Variants in RNF38 observed in about 807,000 individuals in gnomAD.
RNF38 encodes E3 ubiquitin-protein ligase RNF38.
RNF38 carries 15 observed loss-of-function variants against 67.2 expected under a neutral mutation model. The observed-to-expected ratio is 0.22, with a 90% CI of 0.15 to 0.34. RNF38 has a LOEUF of 0.34. Ranked by LOEUF, RNF38 falls within the 10% of genes least tolerant of loss-of-function variation. The pLI, the probability that RNF38 is intolerant of heterozygous loss-of-function variation, is 1.00. For missense variants in RNF38, 524 were observed against 639.9 expected (o/e 0.82, Z 1.95); for synonymous variants, 220 against 218.8 (o/e 1.01, Z -0.05).
intron 2 of RNF38, among the ~76,000 whole-genome samples, chr9:36,414,555 A>C (rs1197898499): frequency 6.6e-6 from 1 of 151,964 alleles, no homozygotes; most frequent in Non-Finnish European, 1.5e-5. Flanking sequence ...GCGTGGTGGC[A>C]CATGCCTGTA....
At position 36,474,117 on chromosome 9, in the gene RNF38, T is replaced by A. The variant is rs1384641153; in HGVS notation, n.241+13191A>T. On this transcript the variant is annotated intron_variant and non_coding_transcript_variant, in intron 1 of 3. Transcript: ENST00000488058. ...TCACGAGGTCAGGAGATTGAGACCA[T>A]CCTGGCTAACACGGTGAAACCCCAT... Among the ~76,000 whole-genome samples the A allele has an allele frequency of 3.3e-5, 5 of 149,416 alleles. No homozygotes were observed. The Admixed American group carries it at 3.4e-4, about 10-fold the overall frequency.
intron 1 of RNF38, among the ~76,000 whole-genome samples, chr9:36,399,486 T>C (rs920230955): frequency 7.4e-5 from 6 of 81,062 alleles, no homozygotes; most frequent in Non-Finnish European, 1.6e-4. Context: ...ATATTATAAA[T>C]ATATATAATA....
intron 1 of RNF38, among the ~76,000 whole-genome samples, chr9:36,485,602 C>G (rs577063901): frequency 6.6e-6 from 1 of 152,092 alleles, no homozygotes; most frequent in Non-Finnish European, 1.5e-5. Flanking sequence ...ATACATTTGC[C>G]AAATATGTGT....
At chr9:36,392,945 G>A (rs1408498333) in intron 1 of RNF38, among the ~76,000 whole-genome samples, 2 of 152,110 alleles carry the variant, frequency 1.3e-5, no homozygotes, top group Non-Finnish European at 2.9e-5. Flanking sequence ...TAAGAGTTAA[G>A]ATTTCATAGA....
At chr9:36,360,792 C>A (rs1277226960) in intron 4 of RNF38, among the ~76,000 whole-genome samples, 2 of 152,042 alleles carry the variant, frequency 1.3e-5, no homozygotes, top group African/African-American at 4.8e-5. Context: ...ACAAATACCA[C>A]CCCCCTACCC....
intron 2 of RNF38, among the ~76,000 whole-genome samples, chr9:36,409,236 TGGAAGGAAAGAAGGAAGGAAGGAA>T (rs1477594645): frequency 1.0e-5 from 1 of 95,832 alleles, no homozygotes; most frequent in Non-Finnish European, 2.0e-5. Flanking sequence ...GAAGGAAGGA[TGGAAGGAAAGAAGGAAGGAAGGAA>T]GGAAGGAAAG....
chr9:36,369,614 T>C (rs1035830356), intron 4 of RNF38, 105 bp downstream of exon 4: 1 of 838,812 alleles, frequency 1.2e-6, no homozygotes, highest in Admixed American at 2.8e-5. Flanking sequence ...AACTTCATTT[T>C]AGGTAAAAAC....
intron 2 of RNF38, among the ~76,000 whole-genome samples, chr9:36,423,263 T>C (rs1183144079): frequency 2.0e-5 from 3 of 152,204 alleles, no homozygotes; most frequent in African/African-American, 7.2e-5. Flanking sequence ...AAGGAGACTC[T>C]GGAATGCTAT....
chr9:36,476,185 C>A (rs1036183514), intron 1 of RNF38, among the ~76,000 whole-genome samples: 1 of 152,046 alleles, frequency 6.6e-6, no homozygotes, highest in Non-Finnish European at 1.5e-5. Context: ...AGTGCAGTGG[C>A]GTGATCTCGA....
chr9:36,425,821 C>CT (rs1447123948), intron 1 of RNF38, among the ~76,000 whole-genome samples: 2 of 152,186 alleles, frequency 1.3e-5, no homozygotes, highest in African/African-American at 4.8e-5. Context: ...AAAACCCCTC[C>CT]TGAGTAGCTG....
At chr9:36,455,631 A>G (rs2134353587) in intron 1 of RNF38, among the ~76,000 whole-genome samples, 2 of 152,064 alleles carry the variant, frequency 1.3e-5, no homozygotes, top group Middle Eastern at 3.4e-3. Context: ...AAGTACAAAA[A>G]TTACAGCACA....
At chr9:36,482,616 G>A (rs1230065403) in intron 1 of RNF38, among the ~76,000 whole-genome samples, 2 of 152,180 alleles carry the variant, frequency 1.3e-5, no homozygotes, top group Non-Finnish European at 2.9e-5. Context: ...GCCTCCCAAA[G>A]TGCTGGGATT....
intron 2 of RNF38, among the ~76,000 whole-genome samples, chr9:36,422,175 G>GA (rs1249324715): frequency 1.3e-5 from 2 of 152,154 alleles, no homozygotes; most frequent in Non-Finnish European, 1.5e-5. Context: ...ACACTACAGT[G>GA]AGCTTAGATC....
intron 2 of RNF38, among the ~76,000 whole-genome samples, chr9:36,387,545 T>G (rs1836738668): frequency 6.6e-6 from 1 of 152,222 alleles, no homozygotes; most frequent in Non-Finnish European, 1.5e-5. Context: ...CAGGGAATTT[T>G]GGGGGGTGTT....
chr9:36,414,862 A>G (rs997754316), intron 2 of RNF38, among the ~76,000 whole-genome samples: 2 of 152,152 alleles, frequency 1.3e-5, no homozygotes, highest in Non-Finnish European at 2.9e-5. Context: ...TGTTTTGTTT[A>G]AGGAGGCTAA....
Position 36,400,247 on chromosome 9 carries a change from G to C in RNF38, c.-139C>G, listed in dbSNP as rs1253272352. On this transcript the variant is annotated 5_prime_UTR_variant, in exon 1 of 12. Transcript: ENST00000259605. ...CTGAGAACAAAACGCAGCCTATCCA[G>C]AAACCCACGGAAGCAGAAGGACGCC... 2 of 1,386,016 alleles carry C rather than the reference G, an allele frequency of 1.4e-6. No homozygotes were observed. Among genetic ancestry groups the C allele is most frequent in the African/African-American group, 2.9e-5 (2 of 68,592 alleles). The allele number at this position is 1,386,016 out of a possible 1,614,324, so 85.9% of individuals were successfully genotyped here.
Position 36,336,954 on chromosome 9 carries a change from T to G in RNF38, c.*2798A>C, listed in dbSNP as rs1291373644. On this transcript the variant is annotated 3_prime_UTR_variant, in exon 12 of 12. Transcript: ENST00000259605. ...AATCCTAATATGAGATCTTGATACC[T>G]GGAGGCCTTATTTTTTTGAGGGGCT... 3.3e-5 allele frequency: 5 copies of G among 152,156 alleles called. No individual in the cohort carries two copies. Among genetic ancestry groups the G allele is most frequent in the Admixed American group, 2.0e-4 (3 of 15,270 alleles). 9.4% of individuals were successfully genotyped at this position (152,156 alleles called of 1,614,324 possible). A position where few individuals can be genotyped will look rare whatever the true frequency, so the allele number is the denominator to read the frequency against.
chr9:36,419,223 C>A (rs1247534185), intron 2 of RNF38, among the ~76,000 whole-genome samples: 1 of 152,160 alleles, frequency 6.6e-6, no homozygotes, highest in Non-Finnish European at 1.5e-5. Context: ...ATCCCAAACA[C>A]TTCTGGTCCC....
At chr9:36,420,121 C>A (rs1465475298) in intron 2 of RNF38, among the ~76,000 whole-genome samples, 1 of 152,184 alleles carries the variant, frequency 6.6e-6, no homozygotes, top group Non-Finnish European at 1.5e-5. Context: ...GGGATGGAAT[C>A]CCAGTGTACT....
Sources: allele counts gnomAD v4.1 joint callset (sites outside exome capture counted in the v4.1 genomes callset), GRCh38; gene constraint gnomAD v4.1.1; transcripts MANE v1.5; gene names NCBI Gene and HGNC (gene_info 2026-07-23, HGNC 2026-07-21).